The following NINL variants were observed in gnomAD, a reference collection of about 807,000 sequenced individuals.
NINL encodes the protein ninein like, also known as ninein-like protein.
In NINL, 153 loss-of-function variants were observed where a neutral mutation model predicts 160.3. The observed-to-expected ratio is 0.95, with a 90% CI of 0.84 to 1.09. The LOEUF is 1.09. Ranked by LOEUF, NINL falls within the 50% of genes least tolerant of loss-of-function variation. The pLI is 0.00. For synonymous variants in NINL, 800 were observed against 734.8 expected (o/e 1.09, Z -1.43); for missense variants, 1,829 against 1,764.0 (o/e 1.04, Z -0.66).
At chr20:25,521,403 A>G (rs1210974497) in intron 2 of NINL, among the ~76,000 whole-genome samples, 3 of 152,140 alleles carry the variant, frequency 2.0e-5, no homozygotes, top group African/African-American at 2.4e-5. Context: ...AACAATTCTA[A>G]TATCTCACAT....
intron 1 of NINL, among the ~76,000 whole-genome samples, chr20:25,549,899 TAC>T (rs1448606886): frequency 6.6e-6 from 1 of 152,152 alleles, no homozygotes; most frequent in Non-Finnish European, 1.5e-5. Context: ...AAACCTGCCA[TAC>T]ACACGTCTGC....
At chr20:25,468,273 C>T (rs2062967696) in intron 18 of NINL, among the ~76,000 whole-genome samples, 1 of 151,602 alleles carries the variant, frequency 6.6e-6, no homozygotes, top group Non-Finnish European at 1.5e-5. Context: ...CACTGACAGG[C>T]ACCCCCCTGC....
intron 1 of NINL, among the ~76,000 whole-genome samples, chr20:25,573,832 G>A (rs1162345680): frequency 6.6e-6 from 1 of 152,198 alleles, no homozygotes; most frequent in East Asian, 1.9e-4. Context: ...AAGGTCTGAG[G>A]AGACCTGAAA....
intron 18 of NINL, among the ~76,000 whole-genome samples, chr20:25,469,343 C>T (rs1327304475): frequency 7.3e-6 from 1 of 137,644 alleles, no homozygotes; most frequent in African/African-American, 2.7e-5. Context: ...CTTGCCCTGT[C>T]CCCCGACTTT....
chr20:25,459,806 G>C (rs952485533), intron 21 of NINL, among the ~76,000 whole-genome samples: 1 of 152,148 alleles, frequency 6.6e-6, no homozygotes, highest in Non-Finnish European at 1.5e-5. Flanking sequence ...ACTGAATGGA[G>C]AGCCATCCAG....
At chr20:25,453,762 GA>G in intron 23 of NINL, 120 bp from the exon 24 acceptor site, 1 of 905,134 alleles carries the variant, frequency 1.1e-6, no homozygotes, top group Non-Finnish European at 1.6e-6. Flanking sequence ...TTAGAAATCT[GA>G]CCCAAGGCCG....
At chr20:25,509,418 C>T (rs77434295) in intron 5 of NINL, among the ~76,000 whole-genome samples, 3,195 of 152,348 alleles carry the variant, frequency 0.021, 99 homozygotes, top group African/African-American at 0.072. Context: ...AGCACTGCAG[C>T]CCTGCTCCTT....
chr20:25,469,620 G>C (rs570462283), intron 18 of NINL, among the ~76,000 whole-genome samples: 32 of 152,194 alleles, frequency 2.1e-4, no homozygotes, highest in African/African-American at 7.5e-4. Context: ...GATCCTAGGA[G>C]CACCTCTGAC....
Position 25,472,906 on chromosome 20 carries a change from A to G in NINL, c.3249-2811T>C, listed in dbSNP as rs1038808094. Reference sequence around the variant, plus strand: ...GGTACAGCCCAACATAATGCTCCAAAAGACAAATGCAAGAACGTTCAGTGC... The same window carrying G: ...GGTACAGCCCAACATAATGCTCCAAGAGACAAATGCAAGAACGTTCAGTGC... On this transcript the variant is annotated intron_variant, in intron 17 of 23. Transcript: ENST00000278886. Among the ~76,000 whole-genome samples, 28 of 152,280 alleles carry G rather than the reference A, an allele frequency of 1.8e-4. 1 individual carries two copies. The highest frequency in any genetic ancestry group is 6.5e-4 in the African/African-American group (27 of 41,542).
At chr20:25,584,375 G>A (rs941951480) in intron 1 of NINL, among the ~76,000 whole-genome samples, 8 of 152,140 alleles carry the variant, frequency 5.3e-5, no homozygotes, top group Non-Finnish European at 8.8e-5. Context: ...CAGGAGAATC[G>A]CTTGAATCCG....
chr20:25,495,338 C>T (rs1350072557), intron 10 of NINL, among the ~76,000 whole-genome samples: 1 of 152,232 alleles, frequency 6.6e-6, no homozygotes, highest in Non-Finnish European at 1.5e-5. Context: ...CCAAGCAAAC[C>T]GCCCGCATCC....
At chr20:25,551,312 A>C (rs917440601) in intron 1 of NINL, among the ~76,000 whole-genome samples, 1 of 152,032 alleles carries the variant, frequency 6.6e-6, no homozygotes, top group Admixed American at 6.6e-5. Context: ...TAACAGTCTG[A>C]TCTCTCTTTC....
chr20:25,539,154 T>A (rs2064614650), intron 1 of NINL, among the ~76,000 whole-genome samples: 1 of 152,150 alleles, frequency 6.6e-6, no homozygotes, highest in Non-Finnish European at 1.5e-5. Context: ...GTGTGCACAC[T>A]CACAGCATCA....
chr20:25,471,551 G>A (rs528214665), intron 17 of NINL, among the ~76,000 whole-genome samples: 26 of 152,196 alleles, frequency 1.7e-4, no homozygotes, highest in Admixed American at 2.6e-4. Flanking sequence ...AAAGCTGATC[G>A]CAACCTCTGT....
chr20:25,462,341 TCCCA>T lies in NINL; in HGVS notation c.3582+38_3582+41del, dbSNP rs2062810009. ...TTGCAGCCGCCTCCCCACCCTGAGC[TCCCA>T]GCCTCCAGCTCAGCTCCCTGCGGCT... On this transcript the variant is annotated intron_variant, in intron 20 of 23. Coordinates refer to ENST00000278886, the MANE Select transcript of NINL (RefSeq NM_025176.6). The T allele has an allele frequency of 1.1e-5, 14 of 1,223,120 alleles. 1 individual carries two copies. The South Asian group carries it at 1.8e-4, about 16-fold the overall frequency. 75.8% of individuals were successfully genotyped at this position (1,223,120 alleles called of 1,614,324 possible).
intron 7 of NINL, among the ~76,000 whole-genome samples, chr20:25,501,486 C>T (rs760227292): frequency 3.3e-5 from 5 of 152,128 alleles, no homozygotes; most frequent in Non-Finnish European, 7.4e-5. Flanking sequence ...CAGGCAGAGG[C>T]GCACACACCC....
intron 5 of NINL, 117 bp downstream of exon 5, chr20:25,510,557 C>T: frequency 2.3e-6 from 2 of 887,806 alleles, no homozygotes; most frequent in Admixed American, 3.4e-5. Context: ...ACAACCCACC[C>T]CATGCATTTC....
At chr20:25,457,096 C>T (rs566802595) in intron 22 of NINL, among the ~76,000 whole-genome samples, 102 of 152,088 alleles carry the variant, frequency 6.7e-4, no homozygotes, top group African/African-American at 2.2e-3. Context: ...GAGACCGAGG[C>T]GGGTGGATCA....
chr20:25,458,273 C>A, intron 22 of NINL, 110 bp downstream of exon 22: 1 of 1,369,250 alleles, frequency 7.3e-7, no homozygotes, highest in Non-Finnish European at 1.0e-6. Flanking sequence ...ATGCTACATA[C>A]GTGACTCATG....
Sources: allele counts gnomAD v4.1 joint callset (sites outside exome capture counted in the v4.1 genomes callset), GRCh38; gene constraint gnomAD v4.1.1; transcripts MANE v1.5; gene names NCBI Gene and HGNC (gene_info 2026-07-23, HGNC 2026-07-21).